The following ANKRD36C variants were observed in gnomAD, a reference collection of about 807,000 sequenced individuals.
The protein encoded by ANKRD36C is ankyrin repeat domain-containing protein 36C.
Under a neutral mutation model 276.4 loss-of-function variants are expected in ANKRD36C, and 61 were observed. That is an observed-to-expected ratio of 0.22 (90% CI 0.18 to 0.27). ANKRD36C has a LOEUF of 0.27. ANKRD36C is among the 10% of genes least tolerant of loss of function. ANKRD36C has a pLI of 1.00. For synonymous variants in ANKRD36C, 483 were observed against 680.1 expected (o/e 0.71, Z 4.51); for missense variants, 1,447 against 2,032.3 (o/e 0.71, Z 5.54).
intron 44 of ANKRD36C, among the ~76,000 whole-genome samples, chr2:95,892,361 T>C (rs1361856393): frequency 6.6e-6 from 1 of 151,488 alleles, no homozygotes; most frequent in Non-Finnish European, 1.5e-5. Context: ...TTCACATCTC[T>C]TCAGTGGAAG....
Position 95,962,556 on chromosome 2 carries a change from CA to C in ANKRD36C, c.800-10del. On this transcript the variant is annotated splice_polypyrimidine_tract_variant and intron_variant, in intron 6 of 66. Coordinates refer to ENST00000456556, the Ensembl canonical transcript of ANKRD36C. ...TTGTTTCTGAGAAGACACTGAAAAGCAAAAGGGATACATCATCAATCATAGG... is the reference window on the plus strand; with the variant it reads ...TTGTTTCTGAGAAGACACTGAAAAGCAAAGGGATACATCATCAATCATAGG... The C allele has an allele frequency of 6.3e-7, 1 of 1,599,840 alleles. No individual in the cohort carries two copies.
intron 6 of ANKRD36C, among the ~76,000 whole-genome samples, chr2:95,975,508 G>A (rs1298858132): frequency 6.6e-6 from 1 of 152,072 alleles, no homozygotes; most frequent in Non-Finnish European, 1.5e-5. Flanking sequence ...ACAAACCTGA[G>A]AAAAACAAGC....
chr2:95,915,019 C>G (rs1369552352), intron 38 of ANKRD36C, among the ~76,000 whole-genome samples: 1 of 151,534 alleles, frequency 6.6e-6, no homozygotes, highest in African/African-American at 2.4e-5. Flanking sequence ...TCAATTTTGA[C>G]ATATTTCTAC....
In ANKRD36C at chr2:95,910,465, A is replaced by T; in HGVS notation, c.2653+1779T>A. 1 of 1,586,726 alleles carries T rather than the reference A, an allele frequency of 6.3e-7. No individual in the cohort carries two copies. The highest frequency in any genetic ancestry group is 8.6e-7 in the Non-Finnish European group (1 of 1,166,834). On this transcript the variant is annotated intron_variant, in intron 42 of 66. Coordinates refer to ENST00000456556, the Ensembl canonical transcript of ANKRD36C. Reference sequence around the variant, plus strand: ...TGTAGCCTGAATAGAATTTGAAACGAAATAATAAATAAATAAAGTATGTTT... The same window carrying T: ...TGTAGCCTGAATAGAATTTGAAACGTAATAATAAATAAATAAAGTATGTTT...
chr2:95,927,832 A>G (rs2104435640), intron 26 of ANKRD36C, among the ~76,000 whole-genome samples: 1 of 151,740 alleles, frequency 6.6e-6, no homozygotes, highest in East Asian at 1.9e-4. Context: ...ATGCCCTTTA[A>G]CTTGCCCAAT....
intron 64 of ANKRD36C, chr2:95,852,408 G>GTTCA (rs1392850943): frequency 8.0e-5 from 42 of 522,388 alleles, no homozygotes; most frequent in African/African-American, 7.9e-4. Context: ...TCTGCATATT[G>GTTCA]TTCATGGCTA....
At chr2:95,873,395 A>G (rs1675861884) in intron 59 of ANKRD36C, among the ~76,000 whole-genome samples, 1 of 152,264 alleles carries the variant, frequency 6.6e-6, no homozygotes, top group African/African-American at 2.4e-5. Flanking sequence ...TCCAGCTTAT[A>G]AACAAAACCA....
intron 6 of ANKRD36C, among the ~76,000 whole-genome samples, chr2:95,977,329 A>C (rs1447121519): frequency 4.9e-4 from 74 of 152,302 alleles, no homozygotes; most frequent in African/African-American, 1.6e-3. Flanking sequence ...CCACCAAATA[A>C]ATATGTTTAT....
intron 38 of ANKRD36C, among the ~76,000 whole-genome samples, chr2:95,915,169 A>G (rs1268168566): frequency 2.0e-5 from 3 of 151,586 alleles, no homozygotes; most frequent in Admixed American, 2.0e-4. Context: ...TGTTAGGAGT[A>G]TCATGTTATT....
chr2:95,917,672 T>C (rs1677141174), intron 36 of ANKRD36C, among the ~76,000 whole-genome samples, 183 bp downstream of exon 38: 1 of 151,520 alleles, frequency 6.6e-6, no homozygotes, highest in African/African-American at 2.4e-5. Flanking sequence ...AAAGATCACG[T>C]TCCAAGCCAG....
At chr2:95,969,445 T>G (rs1008160980) in intron 6 of ANKRD36C, among the ~76,000 whole-genome samples, 25 of 152,172 alleles carry the variant, frequency 1.6e-4, no homozygotes, top group Non-Finnish European at 2.6e-4. Flanking sequence ...CACATCATAA[T>G]GTTTAAATTG....
At chr2:95,954,434 C>T (rs1457342164) in intron 13 of ANKRD36C, among the ~76,000 whole-genome samples, 1 of 152,074 alleles carries the variant, frequency 6.6e-6, no homozygotes, top group South Asian at 2.1e-4. Flanking sequence ...GGCACGGTCT[C>T]TTCTCCATTA....
exon 63 of ANKRD36C, chr2:95,855,597 T>A: frequency 6.2e-7 from 1 of 1,610,794 alleles, no homozygotes; most frequent in African/African-American, 1.3e-5. Flanking sequence ...TTGACTCTGT[T>A]TTTGCTTTAG....
chr2:95,891,604 G>A, intron 46 of ANKRD36C, 61 bp downstream of exon 66: 5 of 1,515,294 alleles, frequency 3.3e-6, no homozygotes, highest in Non-Finnish European at 4.4e-6. Flanking sequence ...GATTTATTCA[G>A]GGAAGAGAAT....
At chr2:95,976,259 C>T (rs1678807381) in intron 6 of ANKRD36C, among the ~76,000 whole-genome samples, 1 of 152,160 alleles carries the variant, frequency 6.6e-6, no homozygotes, top group Admixed American at 6.5e-5. Flanking sequence ...TACCATTTGA[C>T]CCAGCCATCC....
chr2:95,926,879 T>C (rs1009625751), intron 28 of ANKRD36C, among the ~76,000 whole-genome samples: 2 of 151,612 alleles, frequency 1.3e-5, no homozygotes, highest in Non-Finnish European at 3.0e-5. Flanking sequence ...CGATGTGATG[T>C]CTGTAAAATC....
chr2:95,945,118 T>G (rs1210370138), exon 18 of ANKRD36C: 1 of 1,537,242 alleles, frequency 6.5e-7, no homozygotes, highest in East Asian at 2.4e-5. Context: ...GCTTACACTT[T>G]TCTGCAGATT....
intron 44 of ANKRD36C, among the ~76,000 whole-genome samples, chr2:95,892,339 T>C (rs1313149648): frequency 6.6e-6 from 1 of 151,500 alleles, no homozygotes. Context: ...AACAATTCAA[T>C]TGAATGTACC....
intron 19 of ANKRD36C, among the ~76,000 whole-genome samples, chr2:95,943,579 CTTA>C (rs1384305069): frequency 3.3e-5 from 5 of 150,424 alleles, no homozygotes; most frequent in African/African-American, 9.7e-5. Context: ...TATTTTCCCT[CTTA>C]TTATCAAAAA....
Sources: gnomAD v4.1 joint callset for allele counts (sites outside exome capture counted in the v4.1 genomes callset) on GRCh38, gnomAD v4.1.1 for gene constraint, MANE v1.5 for transcripts, NCBI Gene and HGNC (gene_info 2026-07-23, HGNC 2026-07-21) for gene names.